DNAH7: variants seen among roughly 807,000 people sequenced by gnomAD.
The protein encoded by DNAH7 is dynein axonemal heavy chain 7, also known as axonemal beta dynein heavy chain 7.
Under a neutral mutation model 444.6 loss-of-function variants are expected in DNAH7, and 397 were observed. That is an observed-to-expected ratio of 0.89 (90% CI 0.82 to 0.97). DNAH7 has a LOEUF of 0.97. Among genes scored for constraint, DNAH7 ranks in the 50% least tolerant of loss-of-function variants. The pLI is 0.00. For missense variants in DNAH7, 4,902 were observed against 4,800.8 expected (o/e 1.02, Z -0.62); for synonymous variants, 1,636 against 1,624.4 (o/e 1.01, Z -0.17).
At chr2:195,757,006 G>A (rs879306691) in intron 61 of DNAH7, among the ~76,000 whole-genome samples, 1 of 151,098 alleles carries the variant, frequency 6.6e-6, no homozygotes, top group Non-Finnish European at 1.5e-5. Context: ...AAAAAAAAAA[G>A]TTGTAGAGAT....
At chr2:195,897,883 CTCT>C (rs1702424458) in intron 28 of DNAH7, 118 bp from the exon 29 acceptor site, 1 of 489,068 alleles carries the variant, frequency 2.0e-6, no homozygotes. Context: ...ACAAATGCAG[CTCT>C]TCTTTCTTTA....
intron 46 of DNAH7, among the ~76,000 whole-genome samples, chr2:195,849,385 G>A (rs1001416765): frequency 6.6e-6 from 1 of 152,128 alleles, no homozygotes; most frequent in Non-Finnish European, 1.5e-5. Context: ...GCCATGTAAC[G>A]TGGCATAGTT....
intron 60 of DNAH7, among the ~76,000 whole-genome samples, chr2:195,774,959 A>G (rs1403793875): frequency 6.6e-6 from 1 of 152,234 alleles, no homozygotes; most frequent in Non-Finnish European, 1.5e-5. Flanking sequence ...TCCTTTCAAA[A>G]ACAAATCAAA....
rs1425051734 is a variant in DNAH7 at position 195,865,817 on chromosome 2, C to T, written c.6634-796G>A. 3.9e-5 allele frequency among the ~76,000 whole-genome samples: 6 copies of T among 152,002 alleles called. No individual in the cohort carries two copies. In the East Asian group the frequency reaches 5.8e-4, roughly 15 times the overall value. On this transcript the variant is annotated intron_variant, in intron 40 of 64. Transcript: ENST00000312428. ...TAAATTAAGTCATAAGGGTAGGGCC[C>T]TAATCTTATAGGATAGTGTCCTTAT...
rs371465387 is a variant in DNAH7, at chr2:196,018,789, A to G, written c.869+381T>C. On this transcript the variant is annotated intron_variant, in intron 9 of 64. Transcript: ENST00000312428. Reference sequence around the variant, plus strand: ...GAGGACTACAGTCAATAATACTTTAATTGTACATTTTAAAATAACTAAAGG... The same window carrying G: ...GAGGACTACAGTCAATAATACTTTAGTTGTACATTTTAAAATAACTAAAGG... 5.3e-5 allele frequency among the ~76,000 whole-genome samples: 8 copies of G among 152,156 alleles called. No homozygotes were observed. The East Asian group carries it at 1.5e-3, about 29-fold the overall frequency.
At chr2:196,001,569 G>T in intron 11 of DNAH7, 106 bp downstream of exon 11, 1 of 1,102,418 alleles carries the variant, frequency 9.1e-7, no homozygotes, top group Non-Finnish European at 1.2e-6. Flanking sequence ...TAGGTCTAAA[G>T]ATGTACTTTC....
chr2:196,009,920 C>T (rs1355205809), intron 10 of DNAH7, among the ~76,000 whole-genome samples: 2 of 152,120 alleles, frequency 1.3e-5, no homozygotes, highest in Non-Finnish European at 2.9e-5. Context: ...GCCCAACATT[C>T]CTATTCATCA....
chr2:195,750,514 C>G (rs1178027694), intron 63 of DNAH7, among the ~76,000 whole-genome samples: 1 of 152,102 alleles, frequency 6.6e-6, no homozygotes, highest in Admixed American at 6.5e-5. Flanking sequence ...TAAGAATTAA[C>G]CATAACTCCT....
intron 1 of DNAH7, among the ~76,000 whole-genome samples, chr2:196,066,384 A>C (rs903030584): frequency 2.0e-5 from 3 of 152,236 alleles, no homozygotes; most frequent in Admixed American, 1.3e-4. Context: ...TTTCAAAAAC[A>C]TGATGAAGGA....
intron 38 of DNAH7, 107 bp from the exon 39 acceptor site, chr2:195,873,801 G>A: frequency 2.5e-6 from 2 of 796,650 alleles, no homozygotes; most frequent in South Asian, 4.0e-5. Context: ...CAAATTCACG[G>A]CACATGAAGT....
chr2:196,047,631 T>A, intron 4 of DNAH7, 132 bp from the exon 5 acceptor site: 1 of 353,414 alleles, frequency 2.8e-6, no homozygotes, highest in Non-Finnish European at 3.8e-6. Flanking sequence ...CTAAGTATAA[T>A]TTTTTTTTTT....
At chr2:196,059,399 T>C (rs80138178) in intron 1 of DNAH7, among the ~76,000 whole-genome samples, 2,728 of 152,354 alleles carry the variant, frequency 0.018, 75 homozygotes, top group African/African-American at 0.061. Context: ...GTTGTGCTTC[T>C]GGCCAGTTGT....
At chr2:196,022,711 T>A in intron 8 of DNAH7, among the ~76,000 whole-genome samples, 1 of 152,224 alleles carries the variant, frequency 6.6e-6, no homozygotes, top group East Asian at 1.9e-4. Flanking sequence ...CCGTAAGGGT[T>A]GAACTTCTTC....
At chr2:195,958,651 A>C (rs536441453) in intron 18 of DNAH7, among the ~76,000 whole-genome samples, 30 of 152,350 alleles carry the variant, frequency 2.0e-4, no homozygotes, top group Non-Finnish European at 3.5e-4. Flanking sequence ...ATAGGTTATC[A>C]GTTTGTTTCT....
At position 195,922,110 on chromosome 2, in the gene DNAH7, G is replaced by C; in HGVS notation, c.3913C>G (p.Pro1305Ala). 6.2e-7 allele frequency: 1 copy of C among 1,606,444 alleles called. No homozygotes were observed. Among genetic ancestry groups the C allele is most frequent in the Non-Finnish European group, 8.5e-7 (1 of 1,173,142 alleles). The change falls in exon 24 of 65, where the codon CCA (proline) becomes GCA (alanine). Residue 1305 changes from proline (P) to alanine (A), a missense_variant. Pro to Ala is a conservative substitution (Grantham distance 27, BLOSUM62 -1). Coordinates refer to ENST00000312428, the MANE Select transcript of DNAH7 (RefSeq NM_018897.3). ...TACCTGTAACATCTATCCGTGAGTG[G>C]TGTAATAACCAGCCTAGGGGAATTA... is the stretch of plus-strand genomic sequence containing the variant. ...LGNSPRLVIT[P>A]LTDRCYRTLF... is the part of the protein sequence containing the mutation.
At chr2:195,787,943 G>T (rs1356100085) in intron 57 of DNAH7, among the ~76,000 whole-genome samples, 2 of 152,122 alleles carry the variant, frequency 1.3e-5, no homozygotes, top group Non-Finnish European at 2.9e-5. Context: ...CTTCTGCCAC[G>T]GGGTGAGGAA....
At chr2:195,990,970 CATATAT>C (rs111362660) in intron 12 of DNAH7, among the ~76,000 whole-genome samples, 11 of 133,524 alleles carry the variant, frequency 8.2e-5, no homozygotes, top group Non-Finnish European at 1.3e-4. Context: ...AATATATATA[CATATAT>C]ATATATATAT....
At chr2:196,018,684 T>A (rs1461046223) in intron 9 of DNAH7, among the ~76,000 whole-genome samples, 2 of 152,166 alleles carry the variant, frequency 1.3e-5, no homozygotes, top group Admixed American at 6.5e-5. Context: ...AGTCCATTAA[T>A]AGCAGAATTG....
chr2:195,902,554 AC>A (rs1030238931), intron 27 of DNAH7: 4 of 152,130 alleles, frequency 2.6e-5, no homozygotes, highest in Non-Finnish European at 4.4e-5. Flanking sequence ...ACAAATTCCT[AC>A]TAGTTTGAGG....
Sources: allele counts gnomAD v4.1 joint callset (sites outside exome capture counted in the v4.1 genomes callset), GRCh38; gene constraint gnomAD v4.1.1; transcripts MANE v1.5; gene names NCBI Gene and HGNC (gene_info 2026-07-23, HGNC 2026-07-21).